The following BRINP1 variants were observed in gnomAD, a reference collection of about 807,000 sequenced individuals.
The protein encoded by BRINP1 is BMP/retinoic acid-inducible neural-specific protein 1.
Under a neutral mutation model 72.9 loss-of-function variants are expected in BRINP1, and 17 were observed. The ratio of observed to expected loss-of-function variants is 0.23; its 90% confidence interval spans 0.16 to 0.35. The LOEUF (loss-of-function observed/expected upper bound fraction) is 0.35, where lower values mean the gene tolerates loss of function less well. Ranked by LOEUF, BRINP1 falls within the 10% of genes least tolerant of loss-of-function variation. The pLI, the probability that BRINP1 is intolerant of heterozygous loss-of-function variation, is 1.00. For synonymous variants in BRINP1, 418 were observed against 378.5 expected (o/e 1.10, Z -1.21); for missense variants, 850 against 1,001.6 (o/e 0.85, Z 2.04).
At chr9:119,209,318 A>G (rs568906661) in intron 6 of BRINP1, among the ~76,000 whole-genome samples, 1 of 152,332 alleles carries the variant, frequency 6.6e-6, no homozygotes, top group South Asian at 2.1e-4. Flanking sequence ...CACACCTGTA[A>G]TCCCAGGACT....
chr9:119,213,538 G>A, intron 6 of BRINP1: 1 of 369,120 alleles, frequency 2.7e-6, no homozygotes, highest in Non-Finnish European at 4.9e-6. Flanking sequence ...GGACAGAAGT[G>A]TGTGGGTGCA....
intron 2 of BRINP1, among the ~76,000 whole-genome samples, chr9:119,261,974 T>C (rs972340452): frequency 1.3e-5 from 2 of 152,118 alleles, no homozygotes; most frequent in Non-Finnish European, 2.9e-5. Flanking sequence ...ATATCTCTTT[T>C]ACAATATTGG....
intron 7 of BRINP1, among the ~76,000 whole-genome samples, chr9:119,168,938 G>GCTA (rs1287264727): frequency 2.6e-5 from 4 of 152,172 alleles, no homozygotes; most frequent in African/African-American, 9.7e-5. Flanking sequence ...TCCTCAAGGA[G>GCTA]CTACAATGAG....
intron 2 of BRINP1, among the ~76,000 whole-genome samples, chr9:119,251,069 C>T (rs1358921260): frequency 2.0e-5 from 3 of 152,232 alleles, no homozygotes; most frequent in East Asian, 1.9e-4. Flanking sequence ...AATATGTTTC[C>T]AAGATTCAGA....
intron 2 of BRINP1, among the ~76,000 whole-genome samples, chr9:119,285,402 T>C (rs75176991): frequency 0.012 from 1,809 of 152,266 alleles, 24 homozygotes; most frequent in African/African-American, 0.041. Flanking sequence ...CAACCATTTA[T>C]ATCCATTTAA....
chr9:119,253,316 C>T (rs932757570), intron 2 of BRINP1, among the ~76,000 whole-genome samples: 1 of 152,154 alleles, frequency 6.6e-6, no homozygotes, highest in Non-Finnish European at 1.5e-5. Flanking sequence ...CATGTCTTAT[C>T]ACAGCACTAT....
At chr9:119,347,540 T>C (rs1831463516) in intron 1 of BRINP1, among the ~76,000 whole-genome samples, 1 of 152,174 alleles carries the variant, frequency 6.6e-6, no homozygotes, top group Non-Finnish European at 1.5e-5. Context: ...TTGAAATCAA[T>C]CAAACCTTGA....
chr9:119,227,876 C>A (rs916235223), intron 5 of BRINP1, among the ~76,000 whole-genome samples: 2 of 151,942 alleles, frequency 1.3e-5, no homozygotes, highest in Non-Finnish European at 2.9e-5. Context: ...GGAGCATGAT[C>A]CCTAACTCTT....
intron 2 of BRINP1, among the ~76,000 whole-genome samples, chr9:119,252,731 C>T (rs1360500472): frequency 1.3e-5 from 2 of 151,932 alleles, no homozygotes; most frequent in African/African-American, 4.8e-5. Context: ...AAACTGGCAC[C>T]CTGACTCTTA....
Position 119,166,785 on chromosome 9 carries a change from G to GCTTTCTC in BRINP1, c.*292_*298dup. 1 of 299,044 alleles carries GCTTTCTC rather than the reference G, an allele frequency of 3.3e-6. No homozygotes were observed. The highest frequency in any genetic ancestry group is 5.3e-5 in the South Asian group (1 of 18,992). 18.5% of individuals were successfully genotyped at this position (299,044 alleles called of 1,614,324 possible). A position where few individuals can be genotyped will look rare whatever the true frequency, so the allele number is the denominator to read the frequency against. On this transcript the variant is annotated 3_prime_UTR_variant, in exon 8 of 8. Transcript: ENST00000265922. ...GAGATCTTTACAATTCATTGCATAT[G>GCTTTCTC]CTTTCTCCCTTCTCCCCCAATACAG...
chr9:119,171,387 G>A (rs1386419356), intron 7 of BRINP1, among the ~76,000 whole-genome samples: 1 of 136,616 alleles, frequency 7.3e-6, no homozygotes. Context: ...GACAAAGAAG[G>A]CCATTACATA....
At chr9:119,250,540 G>A (rs1830376435) in intron 2 of BRINP1, among the ~76,000 whole-genome samples, 1 of 152,208 alleles carries the variant, frequency 6.6e-6, no homozygotes, top group Non-Finnish European at 1.5e-5. Context: ...GAAACATAGA[G>A]TGCAAAATAC....
At chr9:119,220,927 G>A (rs1230533582) in intron 5 of BRINP1, among the ~76,000 whole-genome samples, 1 of 152,072 alleles carries the variant, frequency 6.6e-6, no homozygotes, top group Non-Finnish European at 1.5e-5. Flanking sequence ...CTTATGCAAG[G>A]CAAAGACCAT....
chr9:119,288,081 G>A (rs1460279867), intron 2 of BRINP1, among the ~76,000 whole-genome samples: 1 of 152,192 alleles, frequency 6.6e-6, no homozygotes, highest in Admixed American at 6.5e-5. Context: ...TTTGGAGGAA[G>A]GTTTAGATAT....
chr9:119,249,523 A>C (rs1830356523), intron 2 of BRINP1, among the ~76,000 whole-genome samples: 2 of 152,100 alleles, frequency 1.3e-5, no homozygotes, highest in South Asian at 4.1e-4. Flanking sequence ...GTACTGATGA[A>C]AATTTTCATG....
intron 2 of BRINP1, among the ~76,000 whole-genome samples, chr9:119,288,250 T>C (rs1008184728): frequency 6.6e-6 from 1 of 152,240 alleles, no homozygotes; most frequent in African/African-American, 2.4e-5. Flanking sequence ...TAGCTTTCTG[T>C]AAATAATTCA....
At chr9:119,334,795 T>TAG (rs879442890) in intron 1 of BRINP1, among the ~76,000 whole-genome samples, 12 of 149,354 alleles carry the variant, frequency 8.0e-5, no homozygotes, top group Admixed American at 2.0e-4. Context: ...GGGAGGGGAA[T>TAG]AGAGAGAGAG....
In BRINP1 at chr9:119,368,925, G is replaced by T. The variant is rs9987693; in HGVS notation, c.-51+131C>A. ...GGAGAAGACTTGGAGGCGGCGGGGC[G>T]GCCAGGTGAAGAGCGGACAAGGGTG... On this transcript the variant is annotated intron_variant, in intron 1 of 7. Transcript: ENST00000265922. This position sits in a 1 kb window ranked among gnomAD's most constrained non-coding sequence, Gnocchi z 4.7. 7.0e-4 allele frequency: 260 copies of T among 373,652 alleles called. 3 individuals are homozygous for T. The highest frequency in any genetic ancestry group is 5.1e-3 in the African/African-American group (246 of 48,034). The allele number at this position is 373,652 out of a possible 1,614,324, so 23.1% of individuals were successfully genotyped here.
At chr9:119,218,919 A>T (rs531242649) in intron 5 of BRINP1, among the ~76,000 whole-genome samples, 22 of 152,154 alleles carry the variant, frequency 1.4e-4, no homozygotes, top group Non-Finnish European at 2.9e-4. Context: ...TTGCAATGCC[A>T]TGGTATAAGA....
Sources: allele counts gnomAD v4.1 joint callset (sites outside exome capture counted in the v4.1 genomes callset), GRCh38; gene constraint gnomAD v4.1.1; non-coding constraint Gnocchi (gnomAD v3.1); transcripts MANE v1.5; gene names NCBI Gene and HGNC (gene_info 2026-07-23, HGNC 2026-07-21).